TMEM135: variants seen among roughly 807,000 people sequenced by gnomAD.
TMEM135 encodes the protein transmembrane protein 135.
Under a neutral mutation model 60.3 loss-of-function variants are expected in TMEM135, and 30 were observed. That is an observed-to-expected ratio of 0.50 (90% CI 0.37 to 0.68). The LOEUF (loss-of-function observed/expected upper bound fraction) is 0.68, where lower values mean the gene tolerates loss of function less well. Among genes scored for constraint, TMEM135 ranks in the 30% least tolerant of loss-of-function variants. TMEM135 has a pLI of 0.00. For synonymous variants in TMEM135, 190 were observed against 186.7 expected, an observed-to-expected ratio of 1.02 and a Z score of -0.14; for missense variants, 468 against 548.8, an observed-to-expected ratio of 0.85 and a Z score of 1.47.
rs184426589 is a variant in TMEM135, at chr11:87,314,587, T to C, written c.1077+40T>C. 28 of 1,526,506 alleles carry C rather than the reference T, an allele frequency of 1.8e-5. No individual in the cohort carries two copies. The Admixed American group carries it at 3.4e-4, about 18-fold the overall frequency. 94.6% of individuals were successfully genotyped at this position (1,526,506 alleles called of 1,614,324 possible). A position where few individuals can be genotyped will look rare whatever the true frequency, so the allele number is the denominator to read the frequency against. Reference sequence around the variant, plus strand: ...TGTGCAAGAATAGTTCCAAAGAACATAAAGCTTTTAGCTGCTGACTGTTTT... The same window carrying C: ...TGTGCAAGAATAGTTCCAAAGAACACAAAGCTTTTAGCTGCTGACTGTTTT... On this transcript the variant is annotated intron_variant, in intron 12 of 14. Transcript: ENST00000305494.
chr11:87,154,987 TTTTATTTATTTA>T (rs201665936), intron 4 of TMEM135, among the ~76,000 whole-genome samples: 3 of 122,240 alleles, frequency 2.5e-5, no homozygotes. Flanking sequence ...TGAAATCCAG[TTTTATTTATTTA>T]TTTATTTATT....
chr11:87,114,132 C>G (rs984778013), intron 4 of TMEM135, among the ~76,000 whole-genome samples: 1 of 152,090 alleles, frequency 6.6e-6, no homozygotes, highest in Admixed American at 6.6e-5. Context: ...GAGTTTACCT[C>G]TCATCTAGTC....
At chr11:87,057,817 T>TGTGTGTGTGTGTGTGTGTG (rs34314691) in intron 1 of TMEM135, among the ~76,000 whole-genome samples, 1 of 149,264 alleles carries the variant, frequency 6.7e-6, no homozygotes, top group Non-Finnish European at 1.5e-5. Flanking sequence ...GTGTGTGTGT[T>TGTGTGTGTGTGTGTGTGTG]TGTGTGTGTG....
chr11:87,257,945 A>G (rs1395072878), intron 6 of TMEM135, among the ~76,000 whole-genome samples: 1 of 152,172 alleles, frequency 6.6e-6, no homozygotes. Context: ...ATTAAGTCAC[A>G]GATTGCCAGA....
intron 5 of TMEM135, among the ~76,000 whole-genome samples, chr11:87,222,301 C>T (rs1940642688): frequency 6.7e-6 from 1 of 148,308 alleles, no homozygotes; most frequent in Non-Finnish European, 1.5e-5. Context: ...TCGAGACCAT[C>T]CTGGCTAACA....
chr11:87,137,710 A>G (rs891807515), intron 4 of TMEM135, among the ~76,000 whole-genome samples: 8 of 149,032 alleles, frequency 5.4e-5, no homozygotes, highest in African/African-American at 1.7e-4. Flanking sequence ...CGTAAGTGTA[A>G]GAAGATAGCA....
intron 3 of TMEM135, among the ~76,000 whole-genome samples, chr11:87,082,339 CT>C (rs367741643): frequency 4.6e-5 from 7 of 152,178 alleles, no homozygotes; most frequent in Non-Finnish European, 1.0e-4. Context: ...TTATGTAAGA[CT>C]TCATTAAATA....
chr11:87,138,076 C>T (rs763614557), intron 4 of TMEM135, among the ~76,000 whole-genome samples: 32 of 147,322 alleles, frequency 2.2e-4, no homozygotes, highest in Admixed American at 8.6e-4. Flanking sequence ...TTTAAAAAGA[C>T]CAAGTTGATT....
intron 4 of TMEM135, among the ~76,000 whole-genome samples, chr11:87,133,948 A>C (rs1938013109): frequency 6.6e-6 from 1 of 152,010 alleles, no homozygotes; most frequent in African/African-American, 2.4e-5. Flanking sequence ...GGTTGTTTCT[A>C]GGATTTGATG....
At chr11:87,283,087 C>A (rs189479899) in intron 6 of TMEM135, among the ~76,000 whole-genome samples, 16 of 152,196 alleles carry the variant, frequency 1.1e-4, no homozygotes, top group African/African-American at 3.6e-4. Context: ...GTAATCCCAG[C>A]ACTTTGGGAG....
chr11:87,306,099 G>A (rs971929430), intron 9 of TMEM135, 94 bp downstream of exon 9: 4 of 740,362 alleles, frequency 5.4e-6, no homozygotes, highest in African/African-American at 3.6e-5. Context: ...AAATGGAAAA[G>A]TTGACATTAA....
rs988888011 is a variant in TMEM135 at position 87,246,688 on chromosome 11, G to T, written c.509+10004G>T. On this transcript the variant is annotated intron_variant, in intron 6 of 14. Coordinates refer to ENST00000305494, the MANE Select transcript of TMEM135 (RefSeq NM_022918.4). ...ATTCTTCACGTAGTTCTCGAGCCTT[G>T]GCTTTCAGCTCCATCAGCTCCTTTA... is the stretch of plus-strand genomic sequence containing the variant. 2.2e-3 allele frequency among the ~76,000 whole-genome samples: 323 copies of T among 144,110 alleles called. 2 individuals are homozygous for T. Among genetic ancestry groups the T allele is most frequent in the African/African-American group, 7.6e-3 (290 of 38,282 alleles). 94.5% of individuals were successfully genotyped at this position (144,110 alleles called of 152,430 possible).
At chr11:87,201,848 A>T (rs1173257906) in intron 5 of TMEM135, among the ~76,000 whole-genome samples, 1 of 152,180 alleles carries the variant, frequency 6.6e-6, no homozygotes, top group Non-Finnish European at 1.5e-5. Flanking sequence ...TGTCCAGTAA[A>T]GATGTATTTC....
intron 9 of TMEM135, among the ~76,000 whole-genome samples, chr11:87,308,591 A>G (rs1450905121): frequency 1.3e-5 from 2 of 151,958 alleles, no homozygotes; most frequent in East Asian, 1.9e-4. Context: ...ATATTTTCCA[A>G]TTCCAGTCAG....
chr11:87,146,955 T>C (rs1938432478), intron 4 of TMEM135, among the ~76,000 whole-genome samples: 1 of 152,140 alleles, frequency 6.6e-6, no homozygotes, highest in African/African-American at 2.4e-5. Context: ...TATTTATAAA[T>C]TGCATGTTAA....
intron 5 of TMEM135, among the ~76,000 whole-genome samples, chr11:87,169,600 C>A (rs1330533926): frequency 1.3e-5 from 2 of 152,056 alleles, no homozygotes; most frequent in African/African-American, 4.8e-5. Context: ...GGTTGAAAAT[C>A]TTTTCTTTAA....
At chr11:87,204,164 T>G (rs1347285592) in intron 5 of TMEM135, among the ~76,000 whole-genome samples, 1 of 114,970 alleles carries the variant, frequency 8.7e-6, no homozygotes, top group Non-Finnish European at 2.0e-5. Context: ...ATTTTGTTTG[T>G]TTTTTTTATC....
intron 4 of TMEM135, among the ~76,000 whole-genome samples, chr11:87,122,785 C>T (rs1015669039): frequency 2.0e-5 from 3 of 152,088 alleles, no homozygotes; most frequent in Admixed American, 1.3e-4. Context: ...TTAAATCTAT[C>T]CGGCTATTAC....
chr11:87,188,454 C>A (rs975848281), intron 5 of TMEM135, among the ~76,000 whole-genome samples: 4 of 151,998 alleles, frequency 2.6e-5, no homozygotes, highest in Non-Finnish European at 5.9e-5. Context: ...GTAATCCCAG[C>A]ACTTTGGGAG....
Sources: allele counts gnomAD v4.1 joint callset (sites outside exome capture counted in the v4.1 genomes callset), GRCh38; gene constraint gnomAD v4.1.1; transcripts MANE v1.5; gene names NCBI Gene and HGNC (gene_info 2026-07-23, HGNC 2026-07-21).